The following CNTNAP5 variants were observed in gnomAD, a reference collection of about 807,000 sequenced individuals.
The protein encoded by CNTNAP5 is contactin associated protein family member 5.
In CNTNAP5, 72 loss-of-function variants were observed where a neutral mutation model predicts 150.2. The ratio of observed to expected loss-of-function variants is 0.48; its 90% CI spans 0.40 to 0.58. The LOEUF (loss-of-function observed/expected upper bound fraction) is 0.58, where lower values mean the gene tolerates loss of function less well. Among genes scored for constraint, CNTNAP5 ranks in the 20% least tolerant of loss-of-function variants. CNTNAP5 has a pLI of 0.00. For synonymous variants in CNTNAP5, 672 were observed against 619.8 expected, an observed-to-expected ratio of 1.08 and a Z score of -1.25; for missense variants, 1,636 against 1,626.2, an observed-to-expected ratio of 1.01 and a Z score of -0.10.
rs376541823 is a variant in CNTNAP5 at position 124,123,043 on chromosome 2, C to T, written c.82+97311C>T. On this transcript the variant is annotated intron_variant, in intron 1 of 23. Transcript: ENST00000682447. ...ATTTCTGCATTTCCAACTGAGGTAC[C>T]GGGTTCATCTCACTGGGGCTTGTCG... Among the ~76,000 whole-genome samples the T allele has an allele frequency of 3.9e-5, 6 of 152,058 alleles. 1 individual carries two copies. The highest frequency in any genetic ancestry group is 1.3e-4 in the Admixed American group (2 of 15,270).
At chr2:124,498,186 G>A (rs1573414932) in intron 7 of CNTNAP5, among the ~76,000 whole-genome samples, 3 of 152,246 alleles carry the variant, frequency 2.0e-5, no homozygotes, top group South Asian at 2.1e-4. Flanking sequence ...CAAGGAAGGC[G>A]CTGCTTAGAA....
intron 1 of CNTNAP5, among the ~76,000 whole-genome samples, chr2:124,102,047 A>T (rs1173483883): frequency 1.3e-5 from 2 of 152,100 alleles, no homozygotes; most frequent in Admixed American, 1.3e-4. Flanking sequence ...TCTAGGAACC[A>T]TTGCAGATGT....
intron 19 of CNTNAP5, among the ~76,000 whole-genome samples, chr2:124,815,071 C>T (rs10178614): frequency 0.19 from 28,518 of 152,162 alleles, 2,846 homozygotes; most frequent in Middle Eastern, 0.25. Context: ...AAACAGCACA[C>T]TTAATTCCCC....
intron 3 of CNTNAP5, among the ~76,000 whole-genome samples, chr2:124,293,815 C>G (rs1264771005): frequency 6.6e-6 from 1 of 151,858 alleles, no homozygotes; most frequent in East Asian, 1.9e-4. Context: ...CAGAGACTGA[C>G]CAATCTCACC....
At chr2:124,713,257 C>G (rs913704188) in intron 13 of CNTNAP5, among the ~76,000 whole-genome samples, 1 of 100,908 alleles carries the variant, frequency 9.9e-6, no homozygotes, top group Non-Finnish European at 2.2e-5. Context: ...TTCTTTCTTT[C>G]TTTCTTTCTT....
chr2:124,840,776 C>T (rs892951061), intron 19 of CNTNAP5, among the ~76,000 whole-genome samples: 2 of 152,106 alleles, frequency 1.3e-5, no homozygotes, highest in African/African-American at 4.8e-5. Flanking sequence ...GAAATCATCT[C>T]TAATTGACCA....
intron 1 of CNTNAP5, among the ~76,000 whole-genome samples, chr2:124,156,687 G>A (rs1047750751): frequency 8.5e-5 from 13 of 152,084 alleles, no homozygotes; most frequent in African/African-American, 2.9e-4. Flanking sequence ...TAGAGACGGG[G>A]TTTCTCCATG....
chr2:124,840,253 A>G (rs1474919851), intron 19 of CNTNAP5, among the ~76,000 whole-genome samples: 6 of 152,054 alleles, frequency 3.9e-5, no homozygotes, highest in Admixed American at 6.6e-5. Context: ...CAACACTATC[A>G]GGTATGGTGG....
intron 1 of CNTNAP5, among the ~76,000 whole-genome samples, chr2:124,085,199 C>T (rs1558749849): frequency 6.6e-6 from 1 of 152,138 alleles, no homozygotes; most frequent in Non-Finnish European, 1.5e-5. Flanking sequence ...GGATTATAGG[C>T]ATGAGCCACC....
At chr2:124,112,872 G>T (rs372244779) in intron 1 of CNTNAP5, among the ~76,000 whole-genome samples, 24 of 152,062 alleles carry the variant, frequency 1.6e-4, no homozygotes, top group African/African-American at 4.3e-4. Context: ...TCCCCTTAAG[G>T]TTCTTTCAAG....
In CNTNAP5 at chr2:124,539,388, C is replaced by T. The variant is rs576908636; in HGVS notation, c.1649+11932C>T. 4.6e-5 allele frequency among the ~76,000 whole-genome samples: 7 copies of T among 152,200 alleles called. No homozygotes were observed. In the East Asian group the frequency reaches 1.4e-3, roughly 29 times the overall value. ...GCCATCCACTTTAACACTTAAAATG[C>T]CCAAAGGAAGCATCAGTCTCCCTGG... On this transcript the variant is annotated intron_variant, in intron 10 of 23. Coordinates refer to ENST00000682447, the MANE Select transcript of CNTNAP5 (RefSeq NM_001367498.1).
At chr2:124,606,349 AATAG>A (rs1285879688) in intron 11 of CNTNAP5, among the ~76,000 whole-genome samples, 1 of 149,282 alleles carries the variant, frequency 6.7e-6, no homozygotes, top group East Asian at 1.9e-4. Context: ...CTGTTAAATA[AATAG>A]ATAACTTGTA....
At chr2:124,788,681 G>T (rs1268370462) in intron 17 of CNTNAP5, among the ~76,000 whole-genome samples, 6 of 149,094 alleles carry the variant, frequency 4.0e-5, no homozygotes, top group African/African-American at 1.5e-4. Flanking sequence ...GCTCACTGTA[G>T]CCTCCGCCTC....
intron 1 of CNTNAP5, among the ~76,000 whole-genome samples, chr2:124,210,855 T>A (rs535909413): frequency 6.6e-6 from 1 of 152,276 alleles, no homozygotes; most frequent in South Asian, 2.1e-4. Context: ...ATTCGCATTT[T>A]AAAAATAAAT....
intron 10 of CNTNAP5, among the ~76,000 whole-genome samples, chr2:124,547,272 G>A (rs1243163088): frequency 6.6e-6 from 1 of 152,012 alleles, no homozygotes; most frequent in Non-Finnish European, 1.5e-5. Context: ...AGCCCCGCAA[G>A]GAAAAATTAA....
At position 124,429,785 on chromosome 2, in the gene CNTNAP5, A is replaced by G. The variant is rs190313597; in HGVS notation, c.530-4699A>G. Among the ~76,000 whole-genome samples, 431 of 152,296 alleles carry G rather than the reference A, an allele frequency of 2.8e-3. 3 individuals carry two copies. The highest frequency in any genetic ancestry group is 9.8e-3 in the African/African-American group (409 of 41,568). On this transcript the variant is annotated intron_variant, in intron 4 of 23. Coordinates refer to ENST00000682447, the MANE Select transcript of CNTNAP5 (RefSeq NM_001367498.1). Reference sequence around the variant, plus strand: ...GTGGCTGAGCATGGCCTGCAGAAGAAACTAACTCTCCCAGTGTGGATGGTA... The same window carrying G: ...GTGGCTGAGCATGGCCTGCAGAAGAGACTAACTCTCCCAGTGTGGATGGTA...
chr2:124,243,271 T>G (rs2104769862), intron 3 of CNTNAP5, among the ~76,000 whole-genome samples: 1 of 152,350 alleles, frequency 6.6e-6, no homozygotes, highest in Admixed American at 6.5e-5. Flanking sequence ...ATTAATAGCA[T>G]ATTCTTTCCT....
chr2:124,216,528 A>G lies in CNTNAP5; in HGVS notation c.83-5177A>G, dbSNP rs147347142. Among the ~76,000 whole-genome samples the G allele has an allele frequency of 3.9e-3, 586 of 152,130 alleles. 6 individuals are homozygous for G. Among genetic ancestry groups the G allele is most frequent in the East Asian group, 0.034 (173 of 5,158 alleles). On this transcript the variant is annotated intron_variant, in intron 1 of 23. Transcript: ENST00000682447. ...AGCATTAGGTATATCTCCTAATGCT[A>G]TTCCTCCCACCTCCTCCCACCCCAC...
intron 1 of CNTNAP5, among the ~76,000 whole-genome samples, chr2:124,163,395 G>A (rs1573802852): frequency 6.6e-6 from 1 of 152,252 alleles, no homozygotes; most frequent in Non-Finnish European, 1.5e-5. Flanking sequence ...AGGAAAGCCT[G>A]TATCTACCTA....
Sources: gnomAD v4.1 joint callset for allele counts (sites outside exome capture counted in the v4.1 genomes callset) on GRCh38, gnomAD v4.1.1 for gene constraint, MANE v1.5 for transcripts, NCBI Gene and HGNC (gene_info 2026-07-23, HGNC 2026-07-21) for gene names.